The following ATXN1 variants were observed in gnomAD, a reference collection of about 807,000 sequenced individuals.
ATXN1 encodes the protein ataxin-1.
In ATXN1, 8 loss-of-function variants were observed where a neutral mutation model predicts 56.4. The ratio of observed to expected loss-of-function variants is 0.14; its 90% confidence interval spans 0.08 to 0.26. The LOEUF is 0.26. Ranked by LOEUF, ATXN1 falls within the 10% of genes least tolerant of loss-of-function variation. The pLI, the probability that ATXN1 is intolerant of heterozygous loss-of-function variation, is 1.00. For missense variants in ATXN1, 987 were observed against 1,106.5 expected, an observed-to-expected ratio of 0.89 and a Z score of 1.53; for synonymous variants, 514 against 494.6, an observed-to-expected ratio of 1.04 and a Z score of -0.52.
intron 6 of ATXN1, among the ~76,000 whole-genome samples, chr6:16,445,667 T>A (rs1436765591): frequency 1.4e-4 from 11 of 81,306 alleles, no homozygotes; most frequent in African/African-American, 4.9e-4. Context: ...ATGCTATCCC[T>A]CCCCCCTCCC....
intron 2 of ATXN1, among the ~76,000 whole-genome samples, chr6:16,686,003 A>T (rs1758909942): frequency 6.6e-6 from 1 of 152,226 alleles, no homozygotes; most frequent in Non-Finnish European, 1.5e-5. Context: ...TTAAAACAAT[A>T]TCTTAATACC....
At chr6:16,642,989 T>C (rs1763733677) in intron 3 of ATXN1, among the ~76,000 whole-genome samples, 1 of 152,076 alleles carries the variant, frequency 6.6e-6, no homozygotes, top group Non-Finnish European at 1.5e-5. Flanking sequence ...TCTCTGAGTG[T>C]CCAGGCACAG....
At chr6:16,611,443 A>G (rs973081270) in intron 3 of ATXN1, among the ~76,000 whole-genome samples, 6 of 152,242 alleles carry the variant, frequency 3.9e-5, no homozygotes, top group African/African-American at 1.4e-4. Flanking sequence ...AAAAGATGAC[A>G]AAAATTAGAA....
At chr6:16,530,328 A>T (rs191032583) in intron 4 of ATXN1, among the ~76,000 whole-genome samples, 3 of 152,338 alleles carry the variant, frequency 2.0e-5, no homozygotes, top group African/African-American at 7.2e-5. Context: ...GCTATATTTC[A>T]GGGGTGAAAA....
intron 6 of ATXN1, among the ~76,000 whole-genome samples, chr6:16,434,252 C>T (rs3806125): frequency 0.14 from 21,102 of 152,098 alleles, 1,740 homozygotes; most frequent in East Asian, 0.43. Context: ...AATTCCTCCA[C>T]TATTAAAGAA....
chr6:16,527,538 G>C (rs959303569), intron 4 of ATXN1, among the ~76,000 whole-genome samples: 1 of 152,172 alleles, frequency 6.6e-6, no homozygotes, highest in African/African-American at 2.4e-5. Flanking sequence ...GTGAAACCAA[G>C]GTCCATAACC....
Position 16,579,493 on chromosome 6 carries a change from A to T in ATXN1, c.-361+6287T>A, listed in dbSNP as rs74870209. Reference sequence around the variant, plus strand: ...ACCTTGGTCAAAGCCCCCCCCCCCCACCCGCCGATTCATTCCCAAGTCCAA... The same window carrying T: ...ACCTTGGTCAAAGCCCCCCCCCCCCTCCCGCCGATTCATTCCCAAGTCCAA... On this transcript the variant is annotated intron_variant, in intron 4 of 7. Coordinates refer to ENST00000436367, the MANE Select transcript of ATXN1 (RefSeq NM_001128164.2). Among the ~76,000 whole-genome samples, 86 of 10,808 alleles carry T rather than the reference A, an allele frequency of 8.0e-3. 13 individuals carry two copies. The highest frequency in any genetic ancestry group is 0.023 in the African/African-American group (81 of 3,562). 7.1% of individuals were successfully genotyped at this position (10,808 alleles called of 152,430 possible). A position where few individuals can be genotyped will look rare whatever the true frequency, so the allele number is the denominator to read the frequency against.
chr6:16,352,428 C>T (rs1298965054), intron 6 of ATXN1, among the ~76,000 whole-genome samples: 3 of 152,116 alleles, frequency 2.0e-5, no homozygotes, highest in African/African-American at 7.2e-5. Flanking sequence ...TTTGAAACTT[C>T]CCTCAATGAC....
intron 6 of ATXN1, among the ~76,000 whole-genome samples, chr6:16,388,103 CT>C: frequency 6.6e-6 from 1 of 152,238 alleles, no homozygotes; most frequent in Non-Finnish European, 1.5e-5. Flanking sequence ...AACCCAAAGC[CT>C]ACTATGCACA....
At chr6:16,581,536 G>A (rs1457104212) in intron 4 of ATXN1, among the ~76,000 whole-genome samples, 1 of 152,078 alleles carries the variant, frequency 6.6e-6, no homozygotes, top group African/African-American at 2.4e-5. Flanking sequence ...CCCAGGAATG[G>A]AGGGAGGAAG....
At chr6:16,638,063 CA>C (rs957562665) in intron 3 of ATXN1, among the ~76,000 whole-genome samples, 4 of 152,120 alleles carry the variant, frequency 2.6e-5, no homozygotes, top group South Asian at 4.2e-4. Context: ...TATTCATAAT[CA>C]GGGGTGGATC....
chr6:16,469,338 A>G lies in ATXN1; in HGVS notation c.-161+16634T>C, dbSNP rs191617666. Among the ~76,000 whole-genome samples the G allele has an allele frequency of 1.4e-4, 21 of 152,360 alleles. No individual in the cohort carries two copies. The East Asian group carries it at 4.0e-3, about 29-fold the overall frequency. Reference sequence around the variant, plus strand: ...TAATGCAAGACCTTATCAGGGAGCAATTAGTGAAGAACTAGGCAAGGGGTT... The same window carrying G: ...TAATGCAAGACCTTATCAGGGAGCAGTTAGTGAAGAACTAGGCAAGGGGTT... On this transcript the variant is annotated intron_variant, in intron 6 of 7. Transcript: ENST00000436367.
intron 6 of ATXN1, among the ~76,000 whole-genome samples, chr6:16,332,646 C>T (rs2113423529): frequency 6.6e-6 from 1 of 152,298 alleles, no homozygotes; most frequent in African/African-American, 2.4e-5. Flanking sequence ...TTAAACATTC[C>T]TATTGGAAAA....
chr6:16,436,725 G>T (rs774378356), intron 6 of ATXN1, among the ~76,000 whole-genome samples: 12 of 151,950 alleles, frequency 7.9e-5, no homozygotes, highest in Non-Finnish European at 1.3e-4. Context: ...GAAGTCAGAG[G>T]GTGGGGGTGA....
intron 2 of ATXN1, among the ~76,000 whole-genome samples, chr6:16,701,220 T>C (rs2113437053): frequency 6.6e-6 from 1 of 152,318 alleles, no homozygotes; most frequent in Admixed American, 6.5e-5. Flanking sequence ...AAACCACCAA[T>C]GAATTTTTTA....
intron 2 of ATXN1, among the ~76,000 whole-genome samples, chr6:16,694,640 C>T (rs1225639122): frequency 6.6e-6 from 1 of 152,206 alleles, no homozygotes; most frequent in African/African-American, 2.4e-5. Flanking sequence ...CTGGGAAACA[C>T]ACGTCAGCCT....
chr6:16,552,844 C>T (rs1761946751), intron 4 of ATXN1, among the ~76,000 whole-genome samples: 1 of 152,218 alleles, frequency 6.6e-6, no homozygotes, highest in South Asian at 2.1e-4. Flanking sequence ...TTAACTTCCA[C>T]TCACACTCAT....
chr6:16,622,637 G>C (rs2113802310), intron 3 of ATXN1, among the ~76,000 whole-genome samples: 1 of 152,206 alleles, frequency 6.6e-6, no homozygotes, highest in South Asian at 2.1e-4. Flanking sequence ...ATTTTTAAAA[G>C]TAAGAGTGTT....
intron 6 of ATXN1, among the ~76,000 whole-genome samples, chr6:16,332,335 T>C (rs959667093): frequency 6.6e-6 from 1 of 151,998 alleles, no homozygotes; most frequent in African/African-American, 2.4e-5. Context: ...TATCGGGTGA[T>C]CATGGGACTA....
Sources: gnomAD v4.1 joint callset for allele counts (sites outside exome capture counted in the v4.1 genomes callset) on GRCh38, gnomAD v4.1.1 for gene constraint, MANE v1.5 for transcripts, NCBI Gene and HGNC (gene_info 2026-07-23, HGNC 2026-07-21) for gene names.